DTWD1: variants seen among roughly 807,000 people sequenced by gnomAD.
The protein encoded by DTWD1 is tRNA-uridine aminocarboxypropyltransferase 1.
A neutral mutation model predicts 30.2 loss-of-function variants in DTWD1; 27 were observed. The observed-to-expected ratio is 0.90, with a 90% CI of 0.66 to 1.23. DTWD1 has a LOEUF of 1.23. Among genes scored for constraint, DTWD1 ranks in the 50% most tolerant of loss-of-function variants. DTWD1 has a pLI of 0.00. For missense variants in DTWD1, 342 were observed against 348.8 expected, an observed-to-expected ratio of 0.98 and a Z score of 0.15; for synonymous variants, 99 against 113.1, an observed-to-expected ratio of 0.88 and a Z score of 0.79.
At position 49,634,696 on chromosome 15, in the gene DTWD1, A is replaced by G. The variant is rs1567740912; in HGVS notation, c.569A>G (p.Asn190Ser). Residue 190 changes from asparagine (N) to serine (S), a missense_variant, in exon 4 of 5, where the codon AAT (asparagine) becomes AGT (serine). Asn to Ser is a conservative substitution (Grantham distance 46, BLOSUM62 1). Transcript: ENST00000403028. ...RTEEQEFCDLNDSKCKGTTLK... is the reference protein window; with the variant it reads ...RTEEQEFCDLSDSKCKGTTLK... Reference sequence around the variant, plus strand: ...GAAGAACAAGAGTTCTGTGATTTGAATGACAGCAAGTGCAAAGGCACAACA... The same window carrying G: ...GAAGAACAAGAGTTCTGTGATTTGAGTGACAGCAAGTGCAAAGGCACAACA... The G allele has an allele frequency of 6.2e-7, 1 of 1,613,766 alleles. No individual in the cohort carries two copies. The highest frequency in any genetic ancestry group is 2.2e-5 in the East Asian group (1 of 44,800).
chr15:49,639,803 T>A (rs1026571618), intron 4 of DTWD1, among the ~76,000 whole-genome samples: 3 of 152,162 alleles, frequency 2.0e-5, no homozygotes, highest in African/African-American at 7.2e-5. Context: ...CATTAAAAAA[T>A]TTTTAAGCTT....
intron 4 of DTWD1, among the ~76,000 whole-genome samples, chr15:49,639,851 G>A (rs2079045242): frequency 6.6e-6 from 1 of 152,108 alleles, no homozygotes; most frequent in African/African-American, 2.4e-5. Context: ...AAGTCTAATG[G>A]AAAGAATTGG....
At position 49,649,134 on chromosome 15, in the gene DTWD1, C is replaced by T. The variant is rs2079137969; in HGVS notation, c.*5556C>T. 1 of 151,902 alleles carries T rather than the reference C, an allele frequency of 6.6e-6. No individual in the cohort carries two copies. Among genetic ancestry groups the T allele is most frequent in the East Asian group, 1.9e-4 (1 of 5,168 alleles). The allele number at this position is 151,902 out of a possible 1,614,324, so 9.4% of individuals were successfully genotyped here. ...TTCAGAACACTGTGGATAGAAAATA[C>T]TAAAAGATTTCAAACAGAAGAAATA... On this transcript the variant is annotated 3_prime_UTR_variant, in exon 5 of 5. Transcript: ENST00000403028.
chr15:49,632,024 G>A, intron 2 of DTWD1, 135 bp from the exon 3 acceptor site: 1 of 857,966 alleles, frequency 1.2e-6, no homozygotes, highest in South Asian at 1.6e-5. Context: ...TTAATATTAT[G>A]GTATATCTTT....
chr15:49,624,992 CAT>C (rs1431084681), intron 1 of DTWD1, 119 bp from the exon 2 acceptor site: 24 of 603,054 alleles, frequency 4.0e-5, no homozygotes, highest in South Asian at 9.8e-5. Context: ...TGGTTTAAAA[CAT>C]GTTTAATAAG....
rs1348433834 is a variant in DTWD1 at position 49,621,087 on chromosome 15, AC to A, written c.-90del. The A allele has an allele frequency of 6.6e-6, 1 of 152,444 alleles. No homozygotes were observed. Among genetic ancestry groups the A allele is most frequent in the East Asian group, 1.9e-4 (1 of 5,184 alleles). The allele number at this position is 152,444 out of a possible 1,614,324, so 9.4% of individuals were successfully genotyped here. A position where few individuals can be genotyped will look rare whatever the true frequency, so the allele number is the denominator to read the frequency against. On this transcript the variant is annotated 5_prime_UTR_variant, in exon 1 of 5. Transcript: ENST00000403028. ...GGCTCGGGCTCGGGCGGAGCTGGAG[AC>A]GTGTGGAGCTGTTCGAGGACTCGCG... is the stretch of plus-strand genomic sequence containing the variant.
intron 2 of DTWD1, among the ~76,000 whole-genome samples, chr15:49,631,246 A>G (rs985898394): frequency 6.6e-6 from 1 of 152,276 alleles, no homozygotes; most frequent in East Asian, 1.9e-4. Context: ...AGGCAAGATG[A>G]TTTTGAAGAC....
intron 4 of DTWD1, among the ~76,000 whole-genome samples, chr15:49,643,060 AACT>A (rs2079083543): frequency 1.3e-5 from 2 of 152,248 alleles, no homozygotes; most frequent in South Asian, 4.1e-4. Flanking sequence ...CTTAAATGTT[AACT>A]ACTTTTAATT....
At chr15:49,628,543 G>C (rs1210946254) in intron 2 of DTWD1, among the ~76,000 whole-genome samples, 2 of 151,260 alleles carry the variant, frequency 1.3e-5, no homozygotes, top group Non-Finnish European at 2.9e-5. Context: ...TAGGCATTTA[G>C]AGCCTAGAAT....
At chr15:49,628,513 G>C (rs1226392816) in intron 2 of DTWD1, among the ~76,000 whole-genome samples, 3 of 152,146 alleles carry the variant, frequency 2.0e-5, no homozygotes, top group Admixed American at 1.3e-4. Flanking sequence ...ATGTTACAAT[G>C]GTTACACTTC....
chr15:49,638,020 A>C (rs1272934682), intron 4 of DTWD1, among the ~76,000 whole-genome samples: 3 of 152,192 alleles, frequency 2.0e-5, no homozygotes, highest in East Asian at 3.8e-4. Flanking sequence ...TTTGATAGAA[A>C]GACAAACGCC....
intron 2 of DTWD1, among the ~76,000 whole-genome samples, chr15:49,629,290 G>T (rs1485030900): frequency 1.3e-5 from 2 of 152,052 alleles, no homozygotes; most frequent in Non-Finnish European, 2.9e-5. Context: ...TTGTGTACAG[G>T]TTTTGCATAA....
At chr15:49,623,555 G>GC (rs1394443577) in intron 1 of DTWD1, 1 of 152,060 alleles carries the variant, frequency 6.6e-6, no homozygotes, top group African/African-American at 2.4e-5. Flanking sequence ...GAGCCACCAT[G>GC]CGTGGCCCTT....
chr15:49,638,070 A>G (rs1467998715), intron 4 of DTWD1, among the ~76,000 whole-genome samples: 1 of 152,210 alleles, frequency 6.6e-6, no homozygotes, highest in East Asian at 1.9e-4. Context: ...GAGAAAGGGA[A>G]CACTGCCTGC....
In DTWD1 at chr15:49,649,355, A is replaced by G. The variant is rs1385111786; in HGVS notation, c.*5777A>G. 6.6e-6 allele frequency: 1 copy of G among 152,182 alleles called. No homozygotes were observed. Among genetic ancestry groups the G allele is most frequent in the African/African-American group, 2.4e-5 (1 of 41,454 alleles). 9.4% of individuals were successfully genotyped at this position (152,182 alleles called of 1,614,324 possible). A position where few individuals can be genotyped will look rare whatever the true frequency, so the allele number is the denominator to read the frequency against. ...GTCTCAAAGGTATTACCTCCCATAT[A>G]TTCTTGAGATAAAGATGCTTAGGAG... On this transcript the variant is annotated 3_prime_UTR_variant, in exon 5 of 5. Coordinates refer to ENST00000403028, the MANE Select transcript of DTWD1 (RefSeq NM_001144955.2).
intron 2 of DTWD1, chr15:49,630,974 G>T (rs1216427068): frequency 8.9e-6 from 4 of 447,200 alleles, no homozygotes; most frequent in African/African-American, 8.0e-5. Flanking sequence ...AATGCCTGAA[G>T]ATCTGTCACT....
intron 2 of DTWD1, chr15:49,625,667 G>T: frequency 2.1e-6 from 1 of 479,962 alleles, no homozygotes; most frequent in South Asian, 2.9e-5. Context: ...AGGAAGGAAG[G>T]GATTTTTAAC....
At chr15:49,634,228 T>A (rs997381587) in intron 3 of DTWD1, among the ~76,000 whole-genome samples, 2 of 152,202 alleles carry the variant, frequency 1.3e-5, no homozygotes, top group Non-Finnish European at 2.9e-5. Context: ...TCATGTACTT[T>A]GCTTTTTATC....
chr15:49,640,156 A>ATC (rs2079049522), intron 4 of DTWD1, among the ~76,000 whole-genome samples: 2 of 152,084 alleles, frequency 1.3e-5, no homozygotes, highest in Admixed American at 1.3e-4. Context: ...ATAGTGTTAT[A>ATC]TATATGTTTT....
Sources: gnomAD v4.1 joint callset for allele counts (sites outside exome capture counted in the v4.1 genomes callset) on GRCh38, gnomAD v4.1.1 for gene constraint, MANE v1.5 for transcripts, NCBI Gene and HGNC (gene_info 2026-07-23, HGNC 2026-07-21) for gene names.